Variants in E2F6 observed in about 807,000 individuals in gnomAD.
E2F6 encodes E2F transcription factor 6, also known as transcription factor E2F6.
Under a neutral mutation model 31.5 loss-of-function variants are expected in E2F6, and 19 were observed. That is an observed-to-expected ratio of 0.60 (90% confidence interval 0.42 to 0.89). The LOEUF is 0.89. Among genes scored for constraint, E2F6 ranks in the 40% least tolerant of loss-of-function variants. The pLI is 0.00. For synonymous variants in E2F6, 121 were observed against 127.7 expected (o/e 0.95, Z 0.36); for missense variants, 269 against 341.6 (o/e 0.79, Z 1.67).
rs2148345552 is a variant in E2F6, at chr2:11,453,894, A to T, written c.164-96T>A. ...GTTTCCTCTTGATCAGATAGCAGAC[A>T]TCTACAGAAATGCCTACACATTGAC... On this transcript the variant is annotated intron_variant, in intron 2 of 6. Transcript: ENST00000381525. 3.9e-6 allele frequency: 4 copies of T among 1,025,534 alleles called. No homozygotes were observed. In the South Asian group the frequency reaches 4.9e-5, roughly 13 times the overall value. 63.5% of individuals were successfully genotyped at this position (1,025,534 alleles called of 1,614,324 possible).
rs184523013 is a variant in E2F6, at chr2:11,464,983, A to G, written c.108+789T>C. ...CTGAGGTCGTCAGGAGTTCGAGACC[A>G]GCCTGGCCAACACGGCGAAATCCCG... On this transcript the variant is annotated intron_variant, in intron 1 of 6. Transcript: ENST00000381525. 3.0e-4 allele frequency among the ~76,000 whole-genome samples: 45 copies of G among 152,168 alleles called. 1 individual carries two copies. In the East Asian group the frequency reaches 6.8e-3, roughly 23 times the overall value.
rs145963707 is a variant in E2F6, at chr2:11,464,910, C to T, written c.108+862G>A. On this transcript the variant is annotated intron_variant, in intron 1 of 6. Transcript: ENST00000381525. ...ATTACTACTAGTTATAGAAAGAAAG[C>T]AGCAGAGAAATTGAAAATACGGGGA... 1.4e-4 allele frequency among the ~76,000 whole-genome samples: 22 copies of T among 152,020 alleles called. No individual in the cohort carries two copies. In the East Asian group the frequency reaches 4.1e-3, roughly 28 times the overall value.
intron 1 of E2F6, among the ~76,000 whole-genome samples, chr2:11,461,483 C>CT: frequency 6.6e-6 from 1 of 152,356 alleles, no homozygotes; most frequent in South Asian, 2.1e-4. Flanking sequence ...TCCCGAGTAG[C>CT]TGGGATTACA....
chr2:11,448,907 C>T (rs1407987558), intron 5 of E2F6, among the ~76,000 whole-genome samples: 1 of 152,190 alleles, frequency 6.6e-6, no homozygotes, highest in African/African-American at 2.4e-5. Context: ...CGGATCTGAC[C>T]TGAGGGCCAG....
chr2:11,465,009 T>C (rs770615749), intron 1 of E2F6, among the ~76,000 whole-genome samples: 20 of 150,864 alleles, frequency 1.3e-4, no homozygotes, highest in African/African-American at 4.9e-4. Context: ...CGAAATCCCG[T>C]CTCTACTAAA....
chr2:11,456,577 G>A (rs952412495), intron 2 of E2F6, among the ~76,000 whole-genome samples: 1 of 152,170 alleles, frequency 6.6e-6, no homozygotes, highest in Non-Finnish European at 1.5e-5. Context: ...CATGCAGAGA[G>A]CTTAATGCAG....
chr2:11,465,088 G>C (rs552552891), intron 1 of E2F6, among the ~76,000 whole-genome samples: 74 of 141,362 alleles, frequency 5.2e-4, no homozygotes, highest in African/African-American at 1.8e-3. Context: ...TGAAGCAGGA[G>C]AATCTCTTGA....
chr2:11,448,792 T>G (rs1670882175), intron 5 of E2F6, among the ~76,000 whole-genome samples: 1 of 152,252 alleles, frequency 6.6e-6, no homozygotes, highest in South Asian at 2.1e-4. Flanking sequence ...TGTCACAACC[T>G]TTTAACTCTG....
intron 3 of E2F6, 81 bp downstream of exon 3, chr2:11,453,501 C>T (rs1671200952): frequency 7.8e-7 from 1 of 1,274,026 alleles, no homozygotes; most frequent in Non-Finnish European, 1.1e-6. Context: ...TGTCAAAACA[C>T]TGCCACTATC....
intron 2 of E2F6, chr2:11,455,209 C>A: frequency 1.4e-6 from 1 of 712,916 alleles, no homozygotes; most frequent in South Asian, 4.4e-5. Context: ...AGAAAAAGTT[C>A]TTATGGCTTG....
chr2:11,465,810 G>A lies in E2F6; in HGVS notation c.70C>T (p.Arg24Cys), dbSNP rs1399941380. ...ACGTTGATGGGGTCTCGGCACCGACGGCGAACCGTCTCCTCCGTCGGGTCC... is the reference window on the plus strand; with the variant it reads ...ACGTTGATGGGGTCTCGGCACCGACAGCGAACCGTCTCCTCCGTCGGGTCC... ...LLDPTEETVR[R>C]RCRDPINVEG... Residue 24 changes from arginine (R) to cysteine (C), a missense_variant, in exon 1 of 7, where the codon CGT becomes TGT. By Grantham distance (180) the Arg-to-Cys change is radical. Coordinates refer to ENST00000381525, the MANE Select transcript of E2F6 (RefSeq NM_198256.4). 1.4e-5 allele frequency: 23 copies of A among 1,599,822 alleles called. No homozygotes were observed. Among genetic ancestry groups the A allele is most frequent in the East Asian group, 2.3e-5 (1 of 44,168 alleles).
intron 5 of E2F6, among the ~76,000 whole-genome samples, chr2:11,448,954 G>A (rs1249861829): frequency 6.6e-6 from 1 of 152,178 alleles, no homozygotes; most frequent in Non-Finnish European, 1.5e-5. Flanking sequence ...AGATCTTCAC[G>A]GTCAGGCTCT....
At position 11,455,512 on chromosome 2, in the gene E2F6, G is replaced by A. The variant is rs181487270; in HGVS notation, c.163+1667C>T. ...TAGGCGTAAATTAGGAATTTAAAAG[G>A]ATTTTTAATCGGAAGTAGAGGGTCA... is the stretch of plus-strand genomic sequence containing the variant. On this transcript the variant is annotated intron_variant, in intron 2 of 6. Transcript: ENST00000381525. 1.9e-4 allele frequency: 242 copies of A among 1,268,286 alleles called. 2 individuals are homozygous for A. The Admixed American group carries it at 5.6e-3, about 29-fold the overall frequency. The allele number at this position is 1,268,286 out of a possible 1,614,324, so 78.6% of individuals were successfully genotyped here.
chr2:11,455,809 G>T (rs1671368644), intron 2 of E2F6, among the ~76,000 whole-genome samples: 1 of 152,180 alleles, frequency 6.6e-6, no homozygotes, highest in African/African-American at 2.4e-5. Flanking sequence ...AGTGCTAAGA[G>T]AGGTATTCAA....
chr2:11,453,535 T>C, intron 3 of E2F6, 47 bp downstream of exon 3: 1 of 1,561,338 alleles, frequency 6.4e-7, no homozygotes, highest in Non-Finnish European at 8.8e-7. Flanking sequence ...GAATTGTCAC[T>C]TGATGAGAAG....
At position 11,445,610 on chromosome 2, in the gene E2F6, C is replaced by A. The variant is rs575240301; in HGVS notation, c.*867G>T. On this transcript the variant is annotated 3_prime_UTR_variant, in exon 7 of 7. Transcript: ENST00000381525. ...ACTTGCAAAAACCTGAAAGGAGTTT[C>A]CAATTATCACCATGACTGAATTCAT... The A allele has an allele frequency of 6.6e-6, 1 of 151,948 alleles. No individual in the cohort carries two copies. Among genetic ancestry groups the A allele is most frequent in the African/African-American group, 2.4e-5 (1 of 41,356 alleles). The allele number at this position is 151,948 out of a possible 1,614,324, so 9.4% of individuals were successfully genotyped here.
At chr2:11,465,661 C>T in intron 1 of E2F6, 111 bp downstream of exon 1, 1 of 1,113,740 alleles carries the variant, frequency 9.0e-7, no homozygotes, top group Non-Finnish European at 1.3e-6. Context: ...GCGCCTGGCC[C>T]AGGGGGAGCA....
chr2:11,463,730 C>T (rs1450669474), intron 1 of E2F6, among the ~76,000 whole-genome samples: 1 of 152,076 alleles, frequency 6.6e-6, no homozygotes, highest in East Asian at 1.9e-4. Context: ...GGTGAGAGGA[C>T]TGCTTGAGCC....
intron 2 of E2F6, chr2:11,455,384 C>T (rs1671339435): frequency 8.0e-7 from 1 of 1,255,736 alleles, no homozygotes; most frequent in Non-Finnish European, 1.0e-6. Flanking sequence ...CACAATGTCA[C>T]ATTTAGTTTA....
Sources: allele counts gnomAD v4.1 joint callset (sites outside exome capture counted in the v4.1 genomes callset), GRCh38; gene constraint gnomAD v4.1.1; transcripts MANE v1.5; gene names NCBI Gene and HGNC (gene_info 2026-07-23, HGNC 2026-07-21).